TBC1D16: variants seen among roughly 807,000 people sequenced by gnomAD.
TBC1D16 encodes the protein CTD-2529O21.1.
TBC1D16 carries 58 observed loss-of-function variants against 74.7 expected under a neutral mutation model. The ratio of observed to expected loss-of-function variants is 0.78; its 90% CI spans 0.63 to 0.97. The LOEUF is 0.97. Among genes scored for constraint, TBC1D16 ranks in the 50% least tolerant of loss-of-function variants. The pLI is 0.00. For missense variants in TBC1D16, 1,014 were observed against 1,079.5 expected (o/e 0.94, Z 0.85); for synonymous variants, 493 against 474.7 (o/e 1.04, Z -0.50).
In TBC1D16 at chr17:79,983,658, C is replaced by T. The variant is rs1017740908; in HGVS notation, c.779+26502G>A. Among the ~76,000 whole-genome samples the T allele has an allele frequency of 2.6e-5, 4 of 152,164 alleles. No homozygotes were observed. Among genetic ancestry groups the T allele is most frequent in the African/African-American group, 7.2e-5 (3 of 41,438 alleles). On this transcript the variant is annotated intron_variant, in intron 3 of 11. Transcript: ENST00000310924. This position sits in a 1 kb window ranked among gnomAD's most constrained non-coding sequence, Gnocchi z 5.6. ...CTGCTTTAGGAGAGCAAGGAAGTGC[C>T]GCCCACGGCATTCCGGAAGGTGGTT...
At position 79,988,414 on chromosome 17, in the gene TBC1D16, T is replaced by A. The variant is rs2034926659; in HGVS notation, c.779+21746A>T. 6.6e-6 allele frequency among the ~76,000 whole-genome samples: 1 copy of A among 152,242 alleles called. No individual in the cohort carries two copies. Among genetic ancestry groups the A allele is most frequent in the African/African-American group, 2.4e-5 (1 of 41,464 alleles). On this transcript the variant is annotated intron_variant, in intron 3 of 11. Coordinates refer to ENST00000310924, the MANE Select transcript of TBC1D16 (RefSeq NM_019020.4). The surrounding 1 kb of genome is among the most constrained non-coding windows in gnomAD (Gnocchi z 5.7). Reference sequence around the variant, plus strand: ...TTTCCTTTTGTCGACTGTAGAGAGCTATGAGTCAGGTCCAAGCTCCACTGG... The same window carrying A: ...TTTCCTTTTGTCGACTGTAGAGAGCAATGAGTCAGGTCCAAGCTCCACTGG...
At chr17:79,962,381 A>C (rs2033656540) in intron 3 of TBC1D16, among the ~76,000 whole-genome samples, 1 of 151,092 alleles carries the variant, frequency 6.6e-6, no homozygotes, top group African/African-American at 2.4e-5. Context: ...CGCCTGGCTA[A>C]TTTTTGTATT....
chr17:79,960,946 C>G (rs2033589574), intron 3 of TBC1D16, among the ~76,000 whole-genome samples: 1 of 152,164 alleles, frequency 6.6e-6, no homozygotes. Flanking sequence ...ACACACACCC[C>G]TACCATATGA....
Position 80,035,851 on chromosome 17 carries a change from C to T in TBC1D16, c.-119G>A, listed in dbSNP as rs2036989140. The T allele has an allele frequency of 6.8e-6, 1 of 146,628 alleles. No homozygotes were observed. The highest frequency in any genetic ancestry group is 1.5e-5 in the Non-Finnish European group (1 of 65,864). 9.1% of individuals were successfully genotyped at this position (146,628 alleles called of 1,614,324 possible). Reference sequence around the variant, plus strand: ...CGGCTCCGAGAGCCGCCACCGTCGCCTCCGCCGCTGCCGCCGCCAGTGAGG... The same window carrying T: ...CGGCTCCGAGAGCCGCCACCGTCGCTTCCGCCGCTGCCGCCGCCAGTGAGG... On this transcript the variant is annotated 5_prime_UTR_variant, in exon 1 of 12. Transcript: ENST00000310924. This position sits in a 1 kb window ranked among gnomAD's most constrained non-coding sequence, Gnocchi z 5.3.
chr17:79,997,583 A>G (rs2035322567), intron 3 of TBC1D16, among the ~76,000 whole-genome samples: 1 of 152,130 alleles, frequency 6.6e-6, no homozygotes, highest in Non-Finnish European at 1.5e-5. Context: ...TCTTTTTTAG[A>G]GCGATTTTAG....
At chr17:79,943,115 G>C (rs1469398006) in intron 10 of TBC1D16, among the ~76,000 whole-genome samples, 1 of 152,246 alleles carries the variant, frequency 6.6e-6, no homozygotes, top group East Asian at 1.9e-4. Flanking sequence ...CCCAGGCTGA[G>C]CGGAGCACAC....
intron 3 of TBC1D16, among the ~76,000 whole-genome samples, chr17:79,977,982 G>A (rs971526367): frequency 5.3e-5 from 8 of 152,246 alleles, no homozygotes; most frequent in African/African-American, 7.2e-5. Context: ...GGGGGCCCAC[G>A]GGAAGCTGGC....
Position 79,945,007 on chromosome 17 carries a change from C to A in TBC1D16, c.1809G>T (p.Gln603His). The A allele has an allele frequency of 6.3e-7, 1 of 1,577,552 alleles. No homozygotes were observed. The highest frequency in any genetic ancestry group is 8.6e-7 in the Non-Finnish European group (1 of 1,162,258). ...GGAGCCAGCGGTGGCAGAAGAGCAT[C>A]TGCAGGCCGTCCTCGCCCAGCGAGA... ...HLVSLGEDGL[Q>H]MLFCHRWLLL... is the part of the protein sequence containing the mutation. The change falls in exon 10 of 12, where the codon CAG becomes CAT. Residue 603 changes from glutamine (Q) to histidine (H), a missense_variant. By Grantham distance (24) the Gln-to-His change is conservative. Coordinates refer to ENST00000310924, the MANE Select transcript of TBC1D16 (RefSeq NM_019020.4).
rs999523638 is a variant in TBC1D16, at chr17:80,000,055, C to T, written c.779+10105G>A. On this transcript the variant is annotated intron_variant, in intron 3 of 11. Coordinates refer to ENST00000310924, the MANE Select transcript of TBC1D16 (RefSeq NM_019020.4). The surrounding 1 kb of genome is among the most constrained non-coding windows in gnomAD (Gnocchi z 4.1). ...GGCCCTGATTGTGTTTGGTTTTTTG[C>T]TTTTTGTTTTTAACCAGAGTCACTG... Among the ~76,000 whole-genome samples the T allele has an allele frequency of 3.9e-5, 6 of 152,052 alleles. No individual in the cohort carries two copies. The highest frequency in any genetic ancestry group is 1.4e-4 in the African/African-American group (6 of 41,402).
chr17:80,034,200 CT>C (rs35010521), intron 1 of TBC1D16, among the ~76,000 whole-genome samples: 52,899 of 120,176 alleles, frequency 0.44, 9,713 homozygotes, highest in East Asian at 0.49. Context: ...TTTTTTTTTC[CT>C]TTTTTTTTTT....
rs1014962770 is a variant in TBC1D16, at chr17:79,939,085, T to G, written c.*1774A>C. On this transcript the variant is annotated 3_prime_UTR_variant, in exon 12 of 12. Transcript: ENST00000310924. ...CACAGTATTGCTGTGGCAATGGATA[T>G]AACTGGTTTCTAGCGGAGGGTCAGG... 6.6e-6 allele frequency: 1 copy of G among 152,306 alleles called. No individual in the cohort carries two copies. Among genetic ancestry groups the G allele is most frequent in the Non-Finnish European group, 1.5e-5 (1 of 68,082 alleles). 9.4% of individuals were successfully genotyped at this position (152,306 alleles called of 1,614,324 possible).
rs911280238 is a variant in TBC1D16, at chr17:79,993,906, G to A, written c.779+16254C>T. 3.3e-5 allele frequency among the ~76,000 whole-genome samples: 5 copies of A among 152,172 alleles called. No homozygotes were observed. Among genetic ancestry groups the A allele is most frequent in the Non-Finnish European group, 5.9e-5 (4 of 68,030 alleles). On this transcript the variant is annotated intron_variant, in intron 3 of 11. Transcript: ENST00000310924. The surrounding 1 kb of genome is among the most constrained non-coding windows in gnomAD (Gnocchi z 5.1). ...AGCCCCCATGCAACCACCGGCCGGGGTTGCGTCAAGGCCTCCCGGAGCAGC... is the reference window on the plus strand; with the variant it reads ...AGCCCCCATGCAACCACCGGCCGGGATTGCGTCAAGGCCTCCCGGAGCAGC...
Position 79,944,448 on chromosome 17 carries a change from TGGGGCCCTCTGGA to T in TBC1D16, c.1908+447_1908+459del, listed in dbSNP as rs560437553. ...GAGAGTGGAAGTCGGTATCACTGATTGGGGCCCTCTGGAGGGGCCGACAGGGAAGTGGGATCTC... is the reference window on the plus strand; with the variant it reads ...GAGAGTGGAAGTCGGTATCACTGATTGGGGCCGACAGGGAAGTGGGATCTC... On this transcript the variant is annotated intron_variant, in intron 10 of 11. Coordinates refer to ENST00000310924, the MANE Select transcript of TBC1D16 (RefSeq NM_019020.4). The surrounding 1 kb of genome is among the most constrained non-coding windows in gnomAD (Gnocchi z 7.7). 1.3e-3 allele frequency among the ~76,000 whole-genome samples: 205 copies of T among 152,260 alleles called. 1 individual carries two copies. The highest frequency in any genetic ancestry group is 4.8e-3 in the African/African-American group (200 of 41,558).
chr17:80,025,894 TG>T (rs1248696736), intron 1 of TBC1D16: 2 of 149,930 alleles, frequency 1.3e-5, no homozygotes, highest in African/African-American at 5.1e-5. Flanking sequence ...AGGGAAGCAG[TG>T]GCCCCCCGCC....
chr17:79,964,139 C>A (rs1375899045), intron 3 of TBC1D16, among the ~76,000 whole-genome samples: 1 of 152,134 alleles, frequency 6.6e-6, no homozygotes, highest in Non-Finnish European at 1.5e-5. Context: ...CCACGCCCAG[C>A]TAATTTTTGT....
At chr17:80,026,124 A>C in intron 1 of TBC1D16, 1 of 150,210 alleles carries the variant, frequency 6.7e-6, no homozygotes, top group Non-Finnish European at 1.5e-5. Flanking sequence ...ATTATTTAAT[A>C]CTAAAAAGAA....
intron 3 of TBC1D16, among the ~76,000 whole-genome samples, chr17:79,976,863 G>A (rs1202959514): frequency 1.3e-5 from 2 of 152,184 alleles, no homozygotes; most frequent in Non-Finnish European, 2.9e-5. Flanking sequence ...CAGAGGTGGA[G>A]GCTGCTGCTC....
chr17:79,941,458 AC>A lies in TBC1D16; in HGVS notation c.2056-352del, dbSNP rs1346989284. On this transcript the variant is annotated intron_variant, in intron 11 of 11. Coordinates refer to ENST00000310924, the MANE Select transcript of TBC1D16 (RefSeq NM_019020.4). The surrounding 1 kb of genome is among the most constrained non-coding windows in gnomAD (Gnocchi z 4.3). ...CAAGCCCACCTGTCCCTTTGGCAGC[AC>A]CCCTCTCTTCTTCCCCCGCACCTTG... Among the ~76,000 whole-genome samples the A allele has an allele frequency of 6.8e-6, 1 of 147,838 alleles. No individual in the cohort carries two copies. The highest frequency in any genetic ancestry group is 2.1e-4 in the East Asian group (1 of 4,736).
At position 80,021,155 on chromosome 17, in the gene TBC1D16, A is replaced by G. The variant is rs1031524256; in HGVS notation, c.-62-7546T>C. ...TAATCCCAGCTACTCGGGAGGCTGA[A>G]GCATGAGAATCGCTTGAACTCAGGT... On this transcript the variant is annotated intron_variant, in intron 1 of 11. Coordinates refer to ENST00000310924, the MANE Select transcript of TBC1D16 (RefSeq NM_019020.4). Among the ~76,000 whole-genome samples, 9 of 148,446 alleles carry G rather than the reference A, an allele frequency of 6.1e-5. 1 individual carries two copies. Among genetic ancestry groups the G allele is most frequent in the African/African-American group, 1.3e-4 (5 of 38,468 alleles).
Sources: allele counts gnomAD v4.1 joint callset (sites outside exome capture counted in the v4.1 genomes callset), GRCh38; gene constraint gnomAD v4.1.1; non-coding constraint Gnocchi (gnomAD v3.1); transcripts MANE v1.5; gene names NCBI Gene and HGNC (gene_info 2026-07-23, HGNC 2026-07-21).